Variants in RGP1 observed in about 807,000 individuals in gnomAD.
RGP1 encodes the protein RGP1 partner of RAB6A GEF complex.
In RGP1, 28 loss-of-function variants were observed where a neutral mutation model predicts 44.5. That is an observed-to-expected ratio of 0.63 (90% CI 0.47 to 0.86). The LOEUF (loss-of-function observed/expected upper bound fraction) is 0.86, where lower values mean the gene tolerates loss of function less well. RGP1 is among the 40% of genes least tolerant of loss of function. The pLI, the probability that RGP1 is intolerant of heterozygous loss-of-function variation, is 0.00. For synonymous variants in RGP1, 212 were observed against 196.7 expected (o/e 1.08, Z -0.65); for missense variants, 417 against 490.7 (o/e 0.85, Z 1.42).
the RGP1 span, among the ~76,000 whole-genome samples, chr9:35,785,285 C>G: frequency 1.3e-5 from 2 of 152,098 alleles, no homozygotes; most frequent in African/African-American, 4.8e-5. Context: ...CCTTGGAAAG[C>G]CTTTTTGTGC....
At chr9:35,774,855 C>G in the RGP1 span, among the ~76,000 whole-genome samples, 3 of 152,028 alleles carry the variant, frequency 2.0e-5, no homozygotes, top group African/African-American at 7.3e-5. Context: ...TTATACAGGT[C>G]AATTCCCCTC....
the RGP1 span, among the ~76,000 whole-genome samples, chr9:35,779,072 C>T: frequency 6.6e-6 from 1 of 151,932 alleles, no homozygotes; most frequent in African/African-American, 2.4e-5. Flanking sequence ...TTTCTATTGC[C>T]CTGGAATTGG....
At chr9:35,770,532 A>AGAGAGAGAGAGT in the RGP1 span, among the ~76,000 whole-genome samples, 7 of 119,726 alleles carry the variant, frequency 5.8e-5, no homozygotes, top group South Asian at 2.1e-3. Context: ...AGAGAGAGAG[A>AGAGAGAGAGAGT]GAGAGAGTTG....
the RGP1 span, among the ~76,000 whole-genome samples, chr9:35,788,088 C>T: frequency 1.1e-4 from 16 of 152,294 alleles, no homozygotes; most frequent in South Asian, 8.3e-4. Flanking sequence ...GAGCCTATCA[C>T]GAAAATTAGC....
At chr9:35,776,562 C>T in the RGP1 span, among the ~76,000 whole-genome samples, 1 of 151,966 alleles carries the variant, frequency 6.6e-6, no homozygotes, top group Non-Finnish European at 1.5e-5. Context: ...GTTGGGATTA[C>T]AGGCATGAGC....
In RGP1 at chr9:35,754,506, G is replaced by A; in HGVS notation, c.*1632G>A. On this transcript the variant is annotated 3_prime_UTR_variant, in exon 9 of 9. Transcript: ENST00000378078. ...CCAGCAAGGAGGCAGGAGGGGCGAG[G>A]GCCCCCAGGTGGTCCCCAGATCTCT... 1 of 167,808 alleles carries A rather than the reference G, an allele frequency of 6.0e-6. No individual in the cohort carries two copies. Among genetic ancestry groups the A allele is most frequent in the South Asian group, 1.8e-4 (1 of 5,560 alleles). The allele number at this position is 167,808 out of a possible 1,614,324, so 10.4% of individuals were successfully genotyped here.
At chr9:35,774,147 G>A in the RGP1 span, among the ~76,000 whole-genome samples, 5 of 152,178 alleles carry the variant, frequency 3.3e-5, no homozygotes, top group East Asian at 9.6e-4. Context: ...GGTTAATCTG[G>A]GTTATTCCGG....
At chr9:35,765,863 T>C in the RGP1 span, among the ~76,000 whole-genome samples, 2 of 150,374 alleles carry the variant, frequency 1.3e-5, no homozygotes, top group African/African-American at 2.4e-5. Context: ...GAGACAGAGT[T>C]TCGCTCTGTT....
At chr9:35,765,053 G>C in the RGP1 span, among the ~76,000 whole-genome samples, 1 of 150,744 alleles carries the variant, frequency 6.6e-6, no homozygotes, top group East Asian at 1.9e-4. Context: ...TTGAACTCAG[G>C]AGACAGATTG....
At chr9:35,769,935 C>A in the RGP1 span, among the ~76,000 whole-genome samples, 1 of 152,210 alleles carries the variant, frequency 6.6e-6, no homozygotes, top group Non-Finnish European at 1.5e-5. Context: ...ATCTGCATGT[C>A]TGGTTCATTT....
chr9:35,777,640 T>C, the RGP1 span, among the ~76,000 whole-genome samples: 3 of 152,160 alleles, frequency 2.0e-5, no homozygotes, highest in African/African-American at 7.2e-5. Context: ...TCTTGTAAGA[T>C]GTTCTAGTTC....
In RGP1 at chr9:35,754,278, G is replaced by T; in HGVS notation, c.*1404G>T. 1 of 951,348 alleles carries T rather than the reference G, an allele frequency of 1.1e-6. No homozygotes were observed. The highest frequency in any genetic ancestry group is 1.5e-6 in the Non-Finnish European group (1 of 666,334). The allele number at this position is 951,348 out of a possible 1,614,324, so 58.9% of individuals were successfully genotyped here. ...GTCTCACACTATCTCCCTGCCCTCT[G>T]CTCTCACAGGCTGGGGATGTTTATA... On this transcript the variant is annotated 3_prime_UTR_variant, in exon 9 of 9. Transcript: ENST00000378078.
In RGP1 at chr9:35,749,605, T is replaced by A; in HGVS notation, c.-19-132T>A. Reference sequence around the variant, plus strand: ...CGCCTCCCTCCCACCCGCCTACCCCTCCTATATCCAGGAGCTCCCTCGGGC... The same window carrying A: ...CGCCTCCCTCCCACCCGCCTACCCCACCTATATCCAGGAGCTCCCTCGGGC... On this transcript the variant is annotated intron_variant, in intron 1 of 8. Coordinates refer to ENST00000378078, the MANE Select transcript of RGP1 (RefSeq NM_001080496.3). The surrounding 1 kb of genome is among the most constrained non-coding windows in gnomAD (Gnocchi z 4.4). 1.5e-5 allele frequency: 9 copies of A among 613,602 alleles called. No individual in the cohort carries two copies. The highest frequency in any genetic ancestry group is 6.7e-5 in the East Asian group (2 of 29,848). 38.0% of individuals were successfully genotyped at this position (613,602 alleles called of 1,614,324 possible).
rs927421582 is a variant in RGP1, at chr9:35,758,287, G to A, written c.*5413G>A. 5 of 152,168 alleles carry A rather than the reference G, an allele frequency of 3.3e-5. No individual in the cohort carries two copies. The highest frequency in any genetic ancestry group is 1.2e-4 in the African/African-American group (5 of 41,444). 9.4% of individuals were successfully genotyped at this position (152,168 alleles called of 1,614,324 possible). On this transcript the variant is annotated 3_prime_UTR_variant, in exon 9 of 9. Transcript: ENST00000378078. ...AGCATATGAGGCTACTATCTTCTGT[G>A]GATGTGTATGTAATTATACAGTTTC... is the stretch of plus-strand genomic sequence containing the variant.
chr9:35,764,725 ATTTGT>A, the RGP1 span, among the ~76,000 whole-genome samples: 5 of 152,134 alleles, frequency 3.3e-5, no homozygotes, highest in African/African-American at 9.7e-5. Flanking sequence ...ATCACTGTAG[ATTTGT>A]TTTGTAGAGT....
chr9:35,775,214 C>G, the RGP1 span, among the ~76,000 whole-genome samples: 1 of 152,138 alleles, frequency 6.6e-6, no homozygotes, highest in Non-Finnish European at 1.5e-5. Context: ...ACAGAACTCA[C>G]TCTAAGCATT....
At position 35,749,666 on chromosome 9, in the gene RGP1, G is replaced by A. The variant is rs1340682045; in HGVS notation, c.-19-71G>A. On this transcript the variant is annotated intron_variant, in intron 1 of 8. Transcript: ENST00000378078. This position sits in a 1 kb window ranked among gnomAD's most constrained non-coding sequence, Gnocchi z 4.4. ...TGACCACCCCTGTCCTCAGCCCTCA[G>A]CCCTAGGTGCTCACCGCAACGCCCC... The A allele has an allele frequency of 2.2e-6, 2 of 900,996 alleles. No homozygotes were observed. The highest frequency in any genetic ancestry group is 5.2e-5 in the East Asian group (2 of 38,450). 55.8% of individuals were successfully genotyped at this position (900,996 alleles called of 1,614,324 possible). A position where few individuals can be genotyped will look rare whatever the true frequency, so the allele number is the denominator to read the frequency against.
At position 35,749,681 on chromosome 9, in the gene RGP1, C is replaced by T; in HGVS notation, c.-19-56C>T. On this transcript the variant is annotated intron_variant, in intron 1 of 8. Coordinates refer to ENST00000378078, the MANE Select transcript of RGP1 (RefSeq NM_001080496.3). This position sits in a 1 kb window ranked among gnomAD's most constrained non-coding sequence, Gnocchi z 4.4. ...TCAGCCCTCAGCCCTAGGTGCTCAC[C>T]GCAACGCCCCTCCCTGTCAAGGTGC... The T allele has an allele frequency of 9.3e-7, 1 of 1,080,542 alleles. No homozygotes were observed. The highest frequency in any genetic ancestry group is 1.4e-6 in the Non-Finnish European group (1 of 711,132). The allele number at this position is 1,080,542 out of a possible 1,614,324, so 66.9% of individuals were successfully genotyped here.
Position 35,752,126 on chromosome 9 carries a change from AG to A in RGP1, c.935del (p.Gly312AlafsTer9). 1 of 1,575,096 alleles carries A rather than the reference AG, an allele frequency of 6.3e-7. No individual in the cohort carries two copies. On this transcript the variant is annotated frameshift_variant, in exon 8 of 9. Transcript: ENST00000378078. LOFTEE classifies it high-confidence loss of function. Reference protein sequence around the residue: ...SLPIPLSSTPGFCTAIVSLKW... With the variant: ...SLPIPLSSTPXFCTAIVSLKW... ...TCCCAATCCCTCTCAGCTCCACCCC[AG>A]GCTTCTGTACAGCCATTGGTGAGAC... is the stretch of plus-strand genomic sequence containing the variant.
Sources: gnomAD v4.1 joint callset for allele counts (sites outside exome capture counted in the v4.1 genomes callset) on GRCh38, gnomAD v4.1.1 for gene constraint, Gnocchi (gnomAD v3.1) non-coding constraint, MANE v1.5 for transcripts, NCBI Gene and HGNC (gene_info 2026-07-23, HGNC 2026-07-21) for gene names.